Variants in ITSN1 observed in about 807,000 individuals in gnomAD.
ITSN1 encodes intersectin-1.
Under a neutral mutation model 239.8 loss-of-function variants are expected in ITSN1, and 58 were observed. That is an observed-to-expected ratio of 0.24 (90% confidence interval 0.20 to 0.30). The LOEUF (loss-of-function observed/expected upper bound fraction) is 0.30. ITSN1 is among the 10% of genes least tolerant of loss of function. The probability of loss-of-function intolerance (pLI) is 1.00; values close to 1 mark genes in which losing one functional copy is unlikely to be tolerated. For synonymous variants in ITSN1, 780 were observed against 770.8 expected, an observed-to-expected ratio of 1.01 and a Z score of -0.20; for missense variants, 1,558 against 2,103.3, an observed-to-expected ratio of 0.74 and a Z score of 5.07.
intron 29 of ITSN1, among the ~76,000 whole-genome samples, chr21:33,841,711 T>TC (rs910820050): frequency 6.6e-6 from 1 of 152,194 alleles, no homozygotes; most frequent in Non-Finnish European, 1.5e-5. Flanking sequence ...CAAATCGCAG[T>TC]CCTGCTTCAT....
At chr21:33,763,690 A>G (rs1187377659) in intron 9 of ITSN1, among the ~76,000 whole-genome samples, 1 of 152,230 alleles carries the variant, frequency 6.6e-6, no homozygotes, top group South Asian at 2.1e-4. Context: ...ACTCTCCTCA[A>G]AAGGCACATA....
At chr21:33,841,991 A>G (rs1232404075) in intron 29 of ITSN1, among the ~76,000 whole-genome samples, 4 of 149,302 alleles carry the variant, frequency 2.7e-5, no homozygotes, top group East Asian at 2.0e-4. Flanking sequence ...CAGTGGTGCA[A>G]TCTCGGCTCA....
chr21:33,811,881 A>G (rs2072941906), intron 21 of ITSN1, among the ~76,000 whole-genome samples: 2 of 152,364 alleles, frequency 1.3e-5, no homozygotes, highest in South Asian at 4.1e-4. Flanking sequence ...ATTTTATACT[A>G]GGATACAAGT....
chr21:33,806,286 G>C (rs190233764), intron 20 of ITSN1, among the ~76,000 whole-genome samples: 1 of 152,118 alleles, frequency 6.6e-6, no homozygotes, highest in Non-Finnish European at 1.5e-5. Flanking sequence ...CAAATCCATG[G>C]AAAATGTTTT....
At position 33,867,917 on chromosome 21, in the gene ITSN1, T is replaced by A. The variant is rs555909279; in HGVS notation, c.4173+586T>A. On this transcript the variant is annotated intron_variant, in intron 33 of 39. Coordinates refer to ENST00000381318, the MANE Select transcript of ITSN1 (RefSeq NM_003024.3). The stretch of plus-strand genomic sequence containing the variant: ...GTCTGGAGTTGTTCGTTCCTCCCGG[T>A]GGGCTCGTGGTCTCGCTAGCTCAGG... Among the ~76,000 whole-genome samples, 4 of 151,818 alleles carry A rather than the reference T, an allele frequency of 2.6e-5. No individual in the cohort carries two copies. In the East Asian group the frequency reaches 5.8e-4, roughly 22 times the overall value.
chr21:33,808,104 A>G (rs1021431296), intron 20 of ITSN1, among the ~76,000 whole-genome samples: 6 of 150,376 alleles, frequency 4.0e-5, no homozygotes, highest in East Asian at 2.0e-4. Flanking sequence ...GGAGAATGGC[A>G]TGAACCCGGG....
intron 33 of ITSN1, among the ~76,000 whole-genome samples, chr21:33,873,180 C>G (rs1448224487): frequency 6.6e-6 from 1 of 152,234 alleles, no homozygotes; most frequent in Non-Finnish European, 1.5e-5. Flanking sequence ...GATTTGTGGA[C>G]TCACAAGACA....
At chr21:33,875,229 TC>T in intron 33 of ITSN1, 124 bp from the exon 34 acceptor site, 1 of 1,008,500 alleles carries the variant, frequency 9.9e-7, no homozygotes. Context: ...CTGCGATTGC[TC>T]AAGTGGGCGC....
At chr21:33,814,401 A>T in intron 22 of ITSN1, 1 of 268,904 alleles carries the variant, frequency 3.7e-6, no homozygotes. Context: ...ACTGCTGGGA[A>T]GGCTCGAAGG....
intron 34 of ITSN1, among the ~76,000 whole-genome samples, chr21:33,877,038 T>C (rs1006180023): frequency 7.1e-6 from 1 of 141,660 alleles, no homozygotes; most frequent in Admixed American, 7.0e-5. Context: ...AAATGTTCCT[T>C]AGAACTTTAC....
At chr21:33,771,141 A>G (rs532308807) in intron 11 of ITSN1, among the ~76,000 whole-genome samples, 1 of 152,210 alleles carries the variant, frequency 6.6e-6, no homozygotes, top group Non-Finnish European at 1.5e-5. Context: ...CAAGAAAACC[A>G]AAACATACTT....
chr21:33,684,273 G>C (rs2091125257), intron 1 of ITSN1, among the ~76,000 whole-genome samples: 1 of 152,154 alleles, frequency 6.6e-6, no homozygotes, highest in African/African-American at 2.4e-5. Flanking sequence ...AATCTTAATT[G>C]TCAAATGTCT....
intron 1 of ITSN1, among the ~76,000 whole-genome samples, chr21:33,652,632 A>G (rs1275089333): frequency 6.6e-6 from 1 of 152,154 alleles, no homozygotes; most frequent in Non-Finnish European, 1.5e-5. Context: ...CTATCATGTA[A>G]AAGGTACTTG....
intron 1 of ITSN1, among the ~76,000 whole-genome samples, chr21:33,715,592 T>C (rs2065087372): frequency 6.6e-6 from 1 of 152,220 alleles, no homozygotes; most frequent in African/African-American, 2.4e-5. Context: ...ATACAATATA[T>C]TGAATGAGAA....
intron 1 of ITSN1, among the ~76,000 whole-genome samples, chr21:33,657,064 T>C (rs757230448): frequency 6.6e-5 from 10 of 152,192 alleles, no homozygotes; most frequent in Non-Finnish European, 1.2e-4. Context: ...AGAGGGTACA[T>C]GCACAGGTTT....
intron 11 of ITSN1, among the ~76,000 whole-genome samples, chr21:33,770,206 G>A (rs1274306449): frequency 1.3e-5 from 2 of 151,998 alleles, no homozygotes; most frequent in African/African-American, 2.4e-5. Context: ...TGGGACTACA[G>A]GCATGTGCCA....
chr21:33,836,253 TTG>T (rs2074596510), intron 28 of ITSN1, among the ~76,000 whole-genome samples, 186 bp from the exon 29 acceptor site: 1 of 152,174 alleles, frequency 6.6e-6, no homozygotes, highest in African/African-American at 2.4e-5. Context: ...AATTTTGTTG[TTG>T]TCTTAGTTTT....
chr21:33,742,389 C>T (rs570112380), intron 5 of ITSN1, among the ~76,000 whole-genome samples: 1 of 152,224 alleles, frequency 6.6e-6, no homozygotes, highest in East Asian at 1.9e-4. Flanking sequence ...AATACATGCT[C>T]TTAGTAAAAA....
chr21:33,684,365 T>C (rs1344626971), intron 1 of ITSN1, among the ~76,000 whole-genome samples: 1 of 152,188 alleles, frequency 6.6e-6, no homozygotes, highest in Non-Finnish European at 1.5e-5. Context: ...CAAGGGGTTG[T>C]TTTCCTTTGT....
Sources: allele counts gnomAD v4.1 joint callset (sites outside exome capture counted in the v4.1 genomes callset), GRCh38; gene constraint gnomAD v4.1.1; transcripts MANE v1.5; gene names NCBI Gene and HGNC (gene_info 2026-07-23, HGNC 2026-07-21).